Variants in TBX20 observed in about 807,000 individuals in gnomAD.
TBX20 encodes T-box transcription factor TBX20.
In TBX20, 8 loss-of-function variants were observed where a neutral mutation model predicts 42.9. The observed-to-expected ratio is 0.19, with a 90% CI of 0.11 to 0.34. TBX20 has a LOEUF of 0.34. Ranked by LOEUF, TBX20 falls within the 10% of genes least tolerant of loss-of-function variation. The pLI is 1.00. For missense variants in TBX20, 411 were observed against 566.0 expected (o/e 0.73, Z 2.78); for synonymous variants, 198 against 222.8 (o/e 0.89, Z 0.99).
chr7:35,214,417 C>T (rs1339516974), intron 6 of TBX20, among the ~76,000 whole-genome samples: 9 of 152,122 alleles, frequency 5.9e-5, no homozygotes, highest in Non-Finnish European at 7.4e-5. Flanking sequence ...CTTGAACAGA[C>T]TTATTGAATC....
chr7:35,246,195 A>G (rs1388507377), intron 3 of TBX20, among the ~76,000 whole-genome samples: 2 of 152,222 alleles, frequency 1.3e-5, no homozygotes, highest in Admixed American at 6.5e-5. Flanking sequence ...ACCAGGAGCA[A>G]TGCACAAAAA....
At chr7:35,231,775 G>T (rs1168322266) in intron 5 of TBX20, among the ~76,000 whole-genome samples, 195 bp from the exon 6 acceptor site, 1 of 152,202 alleles carries the variant, frequency 6.6e-6, no homozygotes, top group South Asian at 2.1e-4. Context: ...GAAGGCCTCA[G>T]AGAGGAGGTA....
intron 3 of TBX20, among the ~76,000 whole-genome samples, chr7:35,245,444 CGCAT>C (rs1790165622): frequency 1.3e-5 from 2 of 151,554 alleles, no homozygotes; most frequent in Non-Finnish European, 2.9e-5. Flanking sequence ...TTACACTAAT[CGCAT>C]GAGTTCCTAT....
At chr7:35,226,550 T>C (rs1345591567) in intron 6 of TBX20, among the ~76,000 whole-genome samples, 1 of 152,200 alleles carries the variant, frequency 6.6e-6, no homozygotes, top group African/African-American at 2.4e-5. Flanking sequence ...GTGAACAACC[T>C]TTCCTGAAGG....
intron 7 of TBX20, among the ~76,000 whole-genome samples, chr7:35,203,216 A>G (rs1479959879): frequency 6.6e-6 from 1 of 152,226 alleles, no homozygotes; most frequent in African/African-American, 2.4e-5. Context: ...CCACCACAGC[A>G]TCCAGAAATT....
chr7:35,253,875 T>C lies in TBX20; in HGVS notation c.-255A>G. On this transcript the variant is annotated 5_prime_UTR_variant, in exon 1 of 8. Transcript: ENST00000408931. ...AGGGCCCACCGAGCACTACGGCGGG[T>C]GCGCACGCCCCGGGGCGCTCGGCAG... 2.0e-6 allele frequency: 1 copy of C among 501,420 alleles called. No homozygotes were observed. The highest frequency in any genetic ancestry group is 3.5e-6 in the Non-Finnish European group (1 of 282,144). The allele number at this position is 501,420 out of a possible 1,614,324, so 31.1% of individuals were successfully genotyped here.
chr7:35,208,474 G>A (rs545904754), intron 6 of TBX20, among the ~76,000 whole-genome samples: 10 of 152,220 alleles, frequency 6.6e-5, no homozygotes, highest in Admixed American at 3.9e-4. Context: ...CAGGCACAGT[G>A]GTTCACGCCT....
chr7:35,232,384 TG>T, intron 5 of TBX20, among the ~76,000 whole-genome samples: 1 of 152,274 alleles, frequency 6.6e-6, no homozygotes, highest in Non-Finnish European at 1.5e-5. Context: ...TACGTTAAGT[TG>T]TAACAAGAAA....
chr7:35,203,296 C>T (rs1418139199), intron 7 of TBX20, among the ~76,000 whole-genome samples: 1 of 152,084 alleles, frequency 6.6e-6, no homozygotes, highest in Non-Finnish European at 1.5e-5. Context: ...GTTAGAACAG[C>T]ACGGGTCCAC....
At position 35,247,020 on chromosome 7, in the gene TBX20, C is replaced by T. The variant is rs571550685; in HGVS notation, c.545+1657G>A. ...GTGTATTGGTACACACTTTTTTTCT[C>T]CAACCAGAACAGATTAGTAACATAA... On this transcript the variant is annotated intron_variant, in intron 3 of 7. Coordinates refer to ENST00000408931, the MANE Select transcript of TBX20 (RefSeq NM_001077653.2). Among the ~76,000 whole-genome samples, 11 of 151,740 alleles carry T rather than the reference C, an allele frequency of 7.2e-5. 1 individual carries two copies. The East Asian group carries it at 2.1e-3, about 29-fold the overall frequency.
chr7:35,209,607 C>T (rs547907378), intron 6 of TBX20, among the ~76,000 whole-genome samples: 3 of 152,172 alleles, frequency 2.0e-5, no homozygotes, highest in Admixed American at 6.5e-5. Flanking sequence ...TTAATCTCTA[C>T]TTTTTGTTCA....
chr7:35,239,651 T>G (rs1296873150), intron 5 of TBX20, among the ~76,000 whole-genome samples: 1 of 152,244 alleles, frequency 6.6e-6, no homozygotes, highest in South Asian at 2.1e-4. Context: ...GTATGGGAAG[T>G]GTCTATCAGT....
rs562808802 is a variant in TBX20, at chr7:35,226,862, CAA to C, written c.890+4640_890+4641del. On this transcript the variant is annotated intron_variant, in intron 6 of 7. Coordinates refer to ENST00000408931, the MANE Select transcript of TBX20 (RefSeq NM_001077653.2). ...TTCACGGTGTACTCCTTCTACTTAT[CAA>C]AAAAAAAAAGTTAACCGTGAAACAG... Among the ~76,000 whole-genome samples the C allele has an allele frequency of 4.2e-5, 6 of 144,050 alleles. No homozygotes were observed. The South Asian group carries it at 1.3e-3, about 32-fold the overall frequency. The allele number at this position is 144,050 out of a possible 152,430, so 94.5% of individuals were successfully genotyped here. A position where few individuals can be genotyped will look rare whatever the true frequency, so the allele number is the denominator to read the frequency against.
chr7:35,227,936 TTTAAAATGG>T (rs1789803639), intron 6 of TBX20, among the ~76,000 whole-genome samples: 1 of 152,176 alleles, frequency 6.6e-6, no homozygotes, highest in East Asian at 1.9e-4. Context: ...AATTGTACAC[TTTAAAATGG>T]TTAAAATGGT....
chr7:35,227,943 T>C (rs747131052), intron 6 of TBX20, among the ~76,000 whole-genome samples: 16 of 152,126 alleles, frequency 1.1e-4, no homozygotes, highest in Admixed American at 7.9e-4. Context: ...CACTTTAAAA[T>C]GGTTAAAATG....
At chr7:35,214,602 C>A (rs1357859769) in intron 6 of TBX20, among the ~76,000 whole-genome samples, 6 of 152,048 alleles carry the variant, frequency 3.9e-5, no homozygotes, top group African/African-American at 7.2e-5. Flanking sequence ...TAATGTTGAA[C>A]CCCAGCAGCC....
intron 6 of TBX20, among the ~76,000 whole-genome samples, chr7:35,220,542 C>T (rs1459111135): frequency 6.6e-6 from 1 of 152,208 alleles, no homozygotes; most frequent in African/African-American, 2.4e-5. Flanking sequence ...CGACAACTCT[C>T]TAACTTAAAC....
At chr7:35,213,849 T>C (rs1264014570) in intron 6 of TBX20, among the ~76,000 whole-genome samples, 4 of 111,920 alleles carry the variant, frequency 3.6e-5, no homozygotes, top group African/African-American at 1.4e-4. Context: ...ATTGAGTCAC[T>C]ACTATGAACA....
intron 6 of TBX20, among the ~76,000 whole-genome samples, chr7:35,228,533 T>C (rs1410021704): frequency 6.6e-6 from 1 of 151,992 alleles, no homozygotes; most frequent in Non-Finnish European, 1.5e-5. Flanking sequence ...ACAAACTCTT[T>C]TAGTAAAAAG....
Sources: gnomAD v4.1 joint callset for allele counts (sites outside exome capture counted in the v4.1 genomes callset) on GRCh38, gnomAD v4.1.1 for gene constraint, MANE v1.5 for transcripts, NCBI Gene and HGNC (gene_info 2026-07-23, HGNC 2026-07-21) for gene names.